The following BSPH1 variants were observed in gnomAD, a reference collection of about 807,000 sequenced individuals.
The protein encoded by BSPH1 is binder of sperm 1.
BSPH1 carries 21 observed loss-of-function variants against 22.5 expected under a neutral mutation model. The ratio of observed to expected loss-of-function variants is 0.93; its 90% confidence interval spans 0.66 to 1.35. BSPH1 has a LOEUF of 1.35. Among genes scored for constraint, BSPH1 ranks in the 40% most tolerant of loss-of-function variants. BSPH1 has a pLI of 0.00. For synonymous variants in BSPH1, 42 were observed against 53.6 expected (o/e 0.78, Z 0.95); for missense variants, 141 against 154.2 (o/e 0.91, Z 0.45).
intron 1 of BSPH1, among the ~76,000 whole-genome samples, chr19:47,981,250 G>A (rs1182757171): frequency 1.2e-5 from 1 of 82,036 alleles, no homozygotes; most frequent in Admixed American, 1.0e-4. Flanking sequence ...TTCATCATAG[G>A]TTTCTGATAT....
At chr19:47,985,188 A>G (rs1401805338) in intron 1 of BSPH1, among the ~76,000 whole-genome samples, 1 of 152,192 alleles carries the variant, frequency 6.6e-6, no homozygotes, top group Non-Finnish European at 1.5e-5. Context: ...TCATGTAACA[A>G]ATCTGCACAT....
chr19:47,977,247 A>G (rs1969373658), intron 4 of BSPH1, 126 bp downstream of exon 4: 1 of 679,836 alleles, frequency 1.5e-6, no homozygotes, highest in Non-Finnish European at 2.4e-6. Flanking sequence ...GAAATCGAAC[A>G]TCCTTTATTT....
chr19:47,982,269 CA>C (rs562537432), intron 1 of BSPH1, among the ~76,000 whole-genome samples: 10 of 152,158 alleles, frequency 6.6e-5, no homozygotes, highest in Non-Finnish European at 1.5e-4. Context: ...ACTAGTTCAT[CA>C]AATTTGTGGA....
chr19:47,974,267 C>CTT (rs1969339369), intron 5 of BSPH1, among the ~76,000 whole-genome samples: 2 of 63,442 alleles, frequency 3.2e-5, no homozygotes, highest in Non-Finnish European at 6.1e-5. Context: ...CTCTCTCTCT[C>CTT]TCTTTTTTTT....
chr19:47,968,952 T>A (rs2122234888), intron 5 of BSPH1, among the ~76,000 whole-genome samples: 1 of 138,258 alleles, frequency 7.2e-6, no homozygotes, highest in East Asian at 2.1e-4. Flanking sequence ...TGAGCCGAGA[T>A]CACACCATTG....
At chr19:47,974,418 G>C (rs773609738) in intron 5 of BSPH1, among the ~76,000 whole-genome samples, 1 of 151,464 alleles carries the variant, frequency 6.6e-6, no homozygotes, top group Non-Finnish European at 1.5e-5. Flanking sequence ...TATAGGTGCC[G>C]GCCACCACGC....
intron 5 of BSPH1, 85 bp downstream of exon 5, chr19:47,976,625 G>A (rs1307326592): frequency 6.7e-5 from 61 of 908,126 alleles, no homozygotes; most frequent in Non-Finnish European, 9.7e-5. Flanking sequence ...AATGAGAAAG[G>A]GTTCTCCTCT....
chr19:47,974,993 A>C (rs574084518), intron 5 of BSPH1, among the ~76,000 whole-genome samples: 10 of 152,076 alleles, frequency 6.6e-5, no homozygotes, highest in African/African-American at 2.4e-4. Context: ...ATTAAAAAAA[A>C]CTCTCTCACA....
chr19:47,989,231 C>T lies in BSPH1; in HGVS notation c.73+2778G>A, dbSNP rs967217688. On this transcript the variant is annotated intron_variant, in intron 1 of 5. Transcript: ENST00000344839. ...CATGATCTCAGGTCACTGCAACCTC[C>T]GCCTCTTGGGTTCAAGTGATTCTCC... is the stretch of plus-strand genomic sequence containing the variant. Among the ~76,000 whole-genome samples, 8 of 151,392 alleles carry T rather than the reference C, an allele frequency of 5.3e-5. No homozygotes were observed. The South Asian group carries it at 8.4e-4, about 16-fold the overall frequency.
At chr19:47,980,340 G>C (rs867057148) in intron 2 of BSPH1, 1 of 272,976 alleles carries the variant, frequency 3.7e-6, no homozygotes, top group East Asian at 1.7e-4. Context: ...GTGGCAAAAG[G>C]CATTTTCTAT....
chr19:47,992,017 A>G lies in BSPH1; in HGVS notation c.65T>C (p.Val22Ala). The change falls in exon 1 of 6, where the codon GTT becomes GCT. Residue 22 changes from valine to alanine, a missense_variant. Physicochemically the swap from Val to Ala is moderately conservative, Grantham distance 64. Coordinates refer to ENST00000344839, the MANE Select transcript of BSPH1 (RefSeq NM_001128326.2). ...TRNSSACIFP[V>A]ILNELSSTVE... ...TATAGAAAAAGAAATACTTAAAATA[A>G]CAGGGAAGATGCAAGCTGAGGAATT... The G allele has an allele frequency of 6.5e-7, 1 of 1,546,222 alleles. No homozygotes were observed. The highest frequency in any genetic ancestry group is 8.8e-7 in the Non-Finnish European group (1 of 1,142,194).
intron 3 of BSPH1, among the ~76,000 whole-genome samples, chr19:47,978,607 A>T (rs1032857451): frequency 3.3e-5 from 5 of 152,220 alleles, no homozygotes; most frequent in African/African-American, 1.2e-4. Flanking sequence ...CAATTTTAAC[A>T]TTGATGAATA....
intron 5 of BSPH1, among the ~76,000 whole-genome samples, chr19:47,974,603 C>G (rs1417495755): frequency 2.0e-5 from 3 of 151,830 alleles, no homozygotes; most frequent in Non-Finnish European, 4.4e-5. Context: ...TCTCCTCCCT[C>G]CTTTCCATTC....
intron 5 of BSPH1, 104 bp downstream of exon 5, chr19:47,976,606 A>AAAAACC: frequency 1.3e-6 from 1 of 752,150 alleles, no homozygotes; most frequent in East Asian, 2.9e-5. Flanking sequence ...ACAAAAAAAA[A>AAAAACC]CCCTCTCTAA....
chr19:47,979,562 C>T lies in BSPH1; in HGVS notation c.124+8G>A, dbSNP rs560212743. 5.2e-5 allele frequency: 68 copies of T among 1,306,424 alleles called. No homozygotes were observed. Among genetic ancestry groups the T allele is most frequent in the South Asian group, 3.7e-4 (24 of 65,386 alleles). The allele number at this position is 1,306,424 out of a possible 1,614,324, so 80.9% of individuals were successfully genotyped here. ...ACATTAATAATCAAAGTTTTCTGATCGACTTACCTGTAACTTCTGGAAAAT... is the reference window on the plus strand; with the variant it reads ...ACATTAATAATCAAAGTTTTCTGATTGACTTACCTGTAACTTCTGGAAAAT... On this transcript the variant is annotated splice_region_variant and intron_variant, in intron 3 of 5. Transcript: ENST00000344839.
At chr19:47,990,367 T>C (rs999717588) in intron 1 of BSPH1, among the ~76,000 whole-genome samples, 8 of 152,144 alleles carry the variant, frequency 5.3e-5, no homozygotes, top group Non-Finnish European at 8.8e-5. Flanking sequence ...ATGACATCCA[T>C]AAATTAGGAG....
intron 5 of BSPH1, among the ~76,000 whole-genome samples, chr19:47,970,803 T>A (rs1333801152): frequency 6.6e-6 from 1 of 152,194 alleles, no homozygotes; most frequent in East Asian, 1.9e-4. Flanking sequence ...TCATTTTAAA[T>A]GTGTTTCTTC....
intron 1 of BSPH1, 37 bp from the exon 2 acceptor site, chr19:47,980,978 TTTAAAA>T: frequency 8.2e-7 from 1 of 1,212,438 alleles, no homozygotes; most frequent in Non-Finnish European, 1.1e-6. Context: ...TTTATGTCAC[TTTAAAA>T]TAAAAGAGAT....
intron 3 of BSPH1, 142 bp from the exon 4 acceptor site, chr19:47,977,646 G>A: frequency 7.0e-7 from 1 of 1,421,408 alleles, no homozygotes; most frequent in East Asian, 2.6e-5. Context: ...CTACTCAATA[G>A]CAGAGCTTTG....
Sources: gnomAD v4.1 joint callset for allele counts (sites outside exome capture counted in the v4.1 genomes callset) on GRCh38, gnomAD v4.1.1 for gene constraint, MANE v1.5 for transcripts, NCBI Gene and HGNC (gene_info 2026-07-23, HGNC 2026-07-21) for gene names.